KCNMA1: variants seen among roughly 807,000 people sequenced by gnomAD.
The protein encoded by KCNMA1 is potassium calcium-activated channel subfamily M alpha 1, also known as Calcium-activated potassium channel subunit alpha-1.
KCNMA1 carries 29 observed loss-of-function variants against 140.0 expected under a neutral mutation model. That is an observed-to-expected ratio of 0.21 (90% CI 0.15 to 0.28). KCNMA1 has a LOEUF of 0.28. Among genes scored for constraint, KCNMA1 ranks in the 10% least tolerant of loss-of-function variants. KCNMA1 has a pLI of 1.00. For synonymous variants in KCNMA1, 612 were observed against 611.9 expected (o/e 1.00, Z 0.00); for missense variants, 880 against 1,602.2 (o/e 0.55, Z 7.70).
intron 3 of KCNMA1, among the ~76,000 whole-genome samples, chr10:77,210,735 T>C: frequency 6.6e-6 from 1 of 152,178 alleles, no homozygotes. Flanking sequence ...ACAAAATCAA[T>C]GTACAAAAAT....
At chr10:76,875,786 C>T (rs185412098), downstream of KCNMA1, 25 of 152,700 alleles carry the variant, frequency 1.6e-4, no homozygotes, top group African/African-American at 5.8e-4. Context: ...TGTCAAAATC[C>T]TAGCAAAACG....
intron 5 of KCNMA1, among the ~76,000 whole-genome samples, chr10:77,128,870 T>C (rs111698535): frequency 0.011 from 1,624 of 152,306 alleles, 34 homozygotes; most frequent in African/African-American, 0.037. Flanking sequence ...TCTGACTCAG[T>C]GGGTCTCCGA....
At chr10:77,225,671 G>A (rs568036114) in intron 3 of KCNMA1, among the ~76,000 whole-genome samples, 1 of 152,304 alleles carries the variant, frequency 6.6e-6, no homozygotes, top group South Asian at 2.1e-4. Context: ...TGGGCACTGT[G>A]CCACCACCAC....
intron 3 of KCNMA1, among the ~76,000 whole-genome samples, chr10:77,243,599 T>A (rs1276763182): frequency 6.6e-6 from 1 of 152,202 alleles, no homozygotes; most frequent in Non-Finnish European, 1.5e-5. Flanking sequence ...TCATCCTAAT[T>A]TTGGAAGGCA....
chr10:77,636,058 G>T, intron 1 of KCNMA1: 2 of 349,926 alleles, frequency 5.7e-6, no homozygotes, highest in Non-Finnish European at 9.1e-6. Flanking sequence ...AACTTTACTA[G>T]AAAAGATGTG....
chr10:77,574,842 C>A (rs1298329693), intron 1 of KCNMA1, among the ~76,000 whole-genome samples: 7 of 152,258 alleles, frequency 4.6e-5, no homozygotes, highest in Admixed American at 4.6e-4. Context: ...ACTATGAATG[C>A]TTTCCATGTC....
At chr10:77,160,901 G>A (rs545565277) in intron 5 of KCNMA1, among the ~76,000 whole-genome samples, 60 of 152,266 alleles carry the variant, frequency 3.9e-4, no homozygotes, top group South Asian at 1.0e-3. Flanking sequence ...ATTCATGCAG[G>A]TGACTCAACA....
intron 23 of KCNMA1, among the ~76,000 whole-genome samples, chr10:76,924,226 T>TAA (rs2056958739): frequency 6.6e-6 from 1 of 152,184 alleles, no homozygotes; most frequent in African/African-American, 2.4e-5. Context: ...GGAAATTGGT[T>TAA]AAGTATGCAT....
intron 17 of KCNMA1, among the ~76,000 whole-genome samples, chr10:77,015,124 G>A (rs755891236): frequency 2.0e-5 from 3 of 152,074 alleles, no homozygotes; most frequent in Non-Finnish European, 4.4e-5. Flanking sequence ...TGGTGATCTT[G>A]CTTCACCCAT....
At chr10:77,076,800 G>A (rs941407174) in intron 13 of KCNMA1, among the ~76,000 whole-genome samples, 7 of 152,214 alleles carry the variant, frequency 4.6e-5, no homozygotes, top group Non-Finnish European at 8.8e-5. Context: ...TACATGGAGA[G>A]AAAGTAGGCA....
At chr10:77,592,553 C>T (rs1369854624) in intron 1 of KCNMA1, among the ~76,000 whole-genome samples, 1 of 152,152 alleles carries the variant, frequency 6.6e-6, no homozygotes, top group East Asian at 1.9e-4. Context: ...GATGGCAAAT[C>T]CAGTTGGGAA....
In KCNMA1 at chr10:76,910,101, A is replaced by G. The variant is rs202032522; in HGVS notation, c.3017-5T>C. The G allele has an allele frequency of 8.7e-6, 14 of 1,613,758 alleles. No individual in the cohort carries two copies. The Admixed American group carries it at 1.3e-4, about 15-fold the overall frequency. The stretch of plus-strand genomic sequence containing the variant: ...ACTGAACATTAGTATCGTTCACTAG[A>G]AAAAGCATAAAATAAGAATTAGCTC... On this transcript the variant is annotated splice_polypyrimidine_tract_variant and splice_region_variant and intron_variant, in intron 24 of 27. Coordinates refer to ENST00000286628, the MANE Select transcript of KCNMA1 (RefSeq NM_001161352.2).
In KCNMA1 at chr10:77,601,372, A is replaced by G. The variant is rs555939137; in HGVS notation, c.378+35893T>C. ...AAAACACGGAGATACAATTGAACCT[A>G]TCTTCAAACCCAAATGTGTGCCATT... On this transcript the variant is annotated intron_variant, in intron 1 of 27. Coordinates refer to ENST00000286628, the MANE Select transcript of KCNMA1 (RefSeq NM_001161352.2). Among the ~76,000 whole-genome samples, 3 of 152,322 alleles carry G rather than the reference A, an allele frequency of 2.0e-5. No homozygotes were observed. In the South Asian group the frequency reaches 6.2e-4, roughly 32 times the overall value.
At chr10:77,309,227 G>C (rs1390648963) in intron 2 of KCNMA1, among the ~76,000 whole-genome samples, 2 of 152,106 alleles carry the variant, frequency 1.3e-5, no homozygotes, top group Non-Finnish European at 2.9e-5. Context: ...GCCAGCAAAG[G>C]GGATCATAGA....
At chr10:77,144,865 G>A (rs1597104537) in intron 5 of KCNMA1, among the ~76,000 whole-genome samples, 1 of 152,302 alleles carries the variant, frequency 6.6e-6, no homozygotes, top group East Asian at 1.9e-4. Context: ...ATCTGAGTAA[G>A]TTATGTAACT....
At chr10:77,097,377 C>T (rs2096960227) in intron 9 of KCNMA1, among the ~76,000 whole-genome samples, 2 of 152,114 alleles carry the variant, frequency 1.3e-5, no homozygotes, top group Admixed American at 1.3e-4. Flanking sequence ...GGCTGTGCTG[C>T]CTCATCCCTC....
chr10:77,099,500 C>T (rs919201845), intron 9 of KCNMA1, among the ~76,000 whole-genome samples: 3 of 152,150 alleles, frequency 2.0e-5, no homozygotes, highest in Non-Finnish European at 2.9e-5. Flanking sequence ...GGATCACCTG[C>T]GGTCAGGAGT....
At chr10:77,037,754 A>G (rs1464126694) in intron 15 of KCNMA1, among the ~76,000 whole-genome samples, 1 of 152,168 alleles carries the variant, frequency 6.6e-6, no homozygotes, top group Non-Finnish European at 1.5e-5. Context: ...CCACCACCAC[A>G]TTAGACAGCC....
downstream of KCNMA1, among the ~76,000 whole-genome samples, chr10:76,883,134 T>C (rs1398182435): frequency 6.6e-5 from 10 of 152,192 alleles, no homozygotes; most frequent in African/African-American, 2.4e-4. Context: ...TCTCTACTCA[T>C]TGAGCTTACA....
Sources: allele counts gnomAD v4.1 joint callset (sites outside exome capture counted in the v4.1 genomes callset), GRCh38; gene constraint gnomAD v4.1.1; transcripts MANE v1.5; gene names NCBI Gene and HGNC (gene_info 2026-07-23, HGNC 2026-07-21).